Variants in MAGI2 observed in about 807,000 individuals in gnomAD.
The protein encoded by MAGI2 is membrane-associated guanylate kinase, WW and PDZ domain-containing protein 2.
A neutral mutation model predicts 133.3 loss-of-function variants in MAGI2; 35 were observed. That is an observed-to-expected ratio of 0.26 (90% CI 0.20 to 0.35). The LOEUF is 0.35. Among genes scored for constraint, MAGI2 ranks in the 10% least tolerant of loss-of-function variants. The pLI is 1.00. For synonymous variants in MAGI2, 729 were observed against 710.6 expected (o/e 1.03, Z -0.41); for missense variants, 1,636 against 1,863.4 (o/e 0.88, Z 2.25).
chr7:79,271,545 A>T (rs1234588771), intron 1 of MAGI2, among the ~76,000 whole-genome samples: 1 of 152,162 alleles, frequency 6.6e-6, no homozygotes, highest in Non-Finnish European at 1.5e-5. Context: ...ATTTGTTTAC[A>T]TAACCTTATA....
chr7:78,435,323 A>T (rs1232429747), intron 6 of MAGI2, among the ~76,000 whole-genome samples: 1 of 152,154 alleles, frequency 6.6e-6, no homozygotes, highest in Non-Finnish European at 1.5e-5. Flanking sequence ...CCTTGAAATT[A>T]GTGGCATAGA....
chr7:79,267,124 C>G (rs181279729), intron 1 of MAGI2, among the ~76,000 whole-genome samples: 1 of 152,250 alleles, frequency 6.6e-6, no homozygotes, highest in African/African-American at 2.4e-5. Context: ...TTTCCCCTTT[C>G]CCGAAATGTA....
At chr7:79,284,141 G>A (rs550946247) in intron 1 of MAGI2, among the ~76,000 whole-genome samples, 3 of 152,000 alleles carry the variant, frequency 2.0e-5, no homozygotes, top group Non-Finnish European at 2.9e-5. Context: ...TTTTCAGAAC[G>A]AATCCTGTCC....
intron 11 of MAGI2, among the ~76,000 whole-genome samples, chr7:78,200,614 C>T (rs1829159552): frequency 6.6e-6 from 1 of 151,984 alleles, no homozygotes; most frequent in African/African-American, 2.4e-5. Context: ...TACACAAAGA[C>T]ACATACACAC....
chr7:78,151,313 T>C (rs1563186149), intron 16 of MAGI2, among the ~76,000 whole-genome samples: 1 of 152,152 alleles, frequency 6.6e-6, no homozygotes, highest in African/African-American at 2.4e-5. Flanking sequence ...ATGAGAATTG[T>C]AAGTGAATAA....
intron 9 of MAGI2, among the ~76,000 whole-genome samples, chr7:78,320,192 A>T (rs1787857336): frequency 6.6e-6 from 1 of 152,226 alleles, no homozygotes; most frequent in Admixed American, 6.5e-5. Context: ...TACCAGAGGT[A>T]CAAAGAGGAG....
rs374734891 is a variant in MAGI2, at chr7:79,033,238, A to G, written c.302-26032T>C. 2.2e-4 allele frequency among the ~76,000 whole-genome samples: 33 copies of G among 152,310 alleles called. No individual in the cohort carries two copies. In the South Asian group the frequency reaches 6.2e-3, roughly 29 times the overall value. On this transcript the variant is annotated intron_variant, in intron 1 of 21. Coordinates refer to ENST00000354212, the MANE Select transcript of MAGI2 (RefSeq NM_012301.4). ...TCAGAAGGTGATGGACCATAGGCAA[A>G]TGTGCTTCAAAATAAAGCTTAACTT...
chr7:78,069,539 G>GGAGAGAGAGAGA lies in MAGI2; in HGVS notation c.3706+9396_3706+9407dup, dbSNP rs3840607. ...AGAGAGAGATTGAAAGAAAGAGAGA[G>GGAGAGAGAGAGA]GAGAGAGAGAGAGAGAGAGAGAGAG... On this transcript the variant is annotated intron_variant, in intron 21 of 21. Transcript: ENST00000354212. Among the ~76,000 whole-genome samples the GGAGAGAGAGAGA allele has an allele frequency of 7.9e-4, 107 of 134,722 alleles. 2 individuals carry two copies. Among genetic ancestry groups the GGAGAGAGAGAGA allele is most frequent in the African/African-American group, 2.5e-3 (89 of 35,636 alleles). 88.4% of individuals were successfully genotyped at this position (134,722 alleles called of 152,430 possible).
At chr7:78,622,473 C>A (rs971557708) in intron 3 of MAGI2, among the ~76,000 whole-genome samples, 5 of 151,916 alleles carry the variant, frequency 3.3e-5, no homozygotes, top group Middle Eastern at 3.2e-3. Flanking sequence ...TTAAAGGAAC[C>A]ATTAATTGCT....
intron 2 of MAGI2, among the ~76,000 whole-genome samples, chr7:78,883,908 A>G (rs1796071378): frequency 6.6e-6 from 1 of 152,200 alleles, no homozygotes; most frequent in Non-Finnish European, 1.5e-5. Flanking sequence ...AATCCTGGAC[A>G]TAAACCTAGG....
intron 7 of MAGI2, among the ~76,000 whole-genome samples, chr7:78,347,741 A>G (rs1398667062): frequency 6.6e-6 from 1 of 152,196 alleles, no homozygotes; most frequent in African/African-American, 2.4e-5. Flanking sequence ...GAGTGCTTCT[A>G]ACAGTGCTCT....
chr7:78,171,676 A>G (rs1458348081), intron 14 of MAGI2, among the ~76,000 whole-genome samples: 1 of 152,036 alleles, frequency 6.6e-6, no homozygotes, highest in African/African-American at 2.4e-5. Flanking sequence ...TCCCGTTACC[A>G]CTGGTCCTGG....
Position 79,421,881 on chromosome 7 carries a change from T to C in MAGI2, c.301+31139A>G, listed in dbSNP as rs138929532. Among the ~76,000 whole-genome samples the C allele has an allele frequency of 1.7e-3, 266 of 152,196 alleles. 1 individual carries two copies. Among genetic ancestry groups the C allele is most frequent in the African/African-American group, 6.3e-3 (261 of 41,562 alleles). On this transcript the variant is annotated intron_variant, in intron 1 of 21. Transcript: ENST00000354212. Reference sequence around the variant, plus strand: ...AAATTTTCAATATGCTGATTTATCATTTCTAGTCTCTATACCAGGGTCCTC... The same window carrying C: ...AAATTTTCAATATGCTGATTTATCACTTCTAGTCTCTATACCAGGGTCCTC...
At chr7:78,598,948 G>C (rs1331156659) in intron 3 of MAGI2, among the ~76,000 whole-genome samples, 2 of 152,134 alleles carry the variant, frequency 1.3e-5, no homozygotes, top group South Asian at 2.1e-4. Flanking sequence ...TCAAACAGAC[G>C]TGTCAGGAAC....
chr7:79,308,462 T>G (rs577230641), intron 1 of MAGI2, among the ~76,000 whole-genome samples: 4,795 of 152,226 alleles, frequency 0.031, 105 homozygotes, highest in African/African-American at 0.051. Flanking sequence ...CATTCTTCCC[T>G]TCCTCCACAT....
At chr7:78,588,425 A>C (rs952023520) in intron 3 of MAGI2, among the ~76,000 whole-genome samples, 3 of 152,160 alleles carry the variant, frequency 2.0e-5, no homozygotes, top group Admixed American at 6.5e-5. Flanking sequence ...AGTGTGTGGC[A>C]GGGGGAGGGG....
At chr7:78,361,657 T>C (rs180727874) in intron 7 of MAGI2, among the ~76,000 whole-genome samples, 103 of 152,350 alleles carry the variant, frequency 6.8e-4, no homozygotes, top group Admixed American at 2.4e-3. Context: ...CCATCTGCAA[T>C]TAAACCAATT....
chr7:78,413,691 T>C (rs1798050797), intron 6 of MAGI2, among the ~76,000 whole-genome samples: 1 of 151,708 alleles, frequency 6.6e-6, no homozygotes, highest in South Asian at 2.1e-4. Context: ...AAAAAGAAGA[T>C]GAGAGGTAGG....
At chr7:78,363,046 C>G (rs1270240038) in intron 7 of MAGI2, among the ~76,000 whole-genome samples, 4 of 152,084 alleles carry the variant, frequency 2.6e-5, no homozygotes, top group African/African-American at 9.7e-5. Flanking sequence ...TAAAATAATG[C>G]CTTACACATT....
Sources: gnomAD v4.1 joint callset for allele counts (sites outside exome capture counted in the v4.1 genomes callset) on GRCh38, gnomAD v4.1.1 for gene constraint, MANE v1.5 for transcripts, NCBI Gene and HGNC (gene_info 2026-07-23, HGNC 2026-07-21) for gene names.